Variants in JAKMIP1 observed in about 807,000 individuals in gnomAD.
JAKMIP1 encodes janus kinase and microtubule-interacting protein 1.
In JAKMIP1, 33 loss-of-function variants were observed where a neutral mutation model predicts 113.0. The observed-to-expected ratio is 0.29, with a 90% confidence interval of 0.22 to 0.39. The LOEUF is 0.39. JAKMIP1 is among the 10% of genes least tolerant of loss of function. JAKMIP1 has a pLI of 1.00. For synonymous variants in JAKMIP1, 480 were observed against 459.9 expected, an observed-to-expected ratio of 1.04 and a Z score of -0.56; for missense variants, 813 against 1,080.5, an observed-to-expected ratio of 0.75 and a Z score of 3.47.
chr4:6,086,681 A>G lies in JAKMIP1; in HGVS notation c.625-1052T>C, dbSNP rs577233554. On this transcript the variant is annotated intron_variant, in intron 3 of 20. Transcript: ENST00000409021. The surrounding 1 kb of genome is among the most constrained non-coding windows in gnomAD (Gnocchi z 4.1). ...GTCCTGGTTGAATAGCAGGCCCCCA[A>G]GACCCATGGCCTTCCTGGAACTTCA... 6.6e-6 allele frequency among the ~76,000 whole-genome samples: 1 copy of G among 152,208 alleles called. No individual in the cohort carries two copies. Among genetic ancestry groups the G allele is most frequent in the East Asian group, 1.9e-4 (1 of 5,164 alleles).
intron 16 of JAKMIP1, among the ~76,000 whole-genome samples, chr4:6,048,246 C>T (rs115628772): frequency 4.5e-4 from 68 of 152,276 alleles, no homozygotes; most frequent in Non-Finnish European, 7.6e-4. Flanking sequence ...TATCTGGTGC[C>T]GCTTTTCTGG....
intron 19 of JAKMIP1, among the ~76,000 whole-genome samples, chr4:6,032,728 A>G (rs1286645617): frequency 6.6e-6 from 1 of 152,212 alleles, no homozygotes; most frequent in Non-Finnish European, 1.5e-5. Context: ...GACGGCCAGC[A>G]GGGGCAACTC....
chr4:6,152,928 G>A (rs1470657780), intron 1 of JAKMIP1, among the ~76,000 whole-genome samples: 3 of 151,322 alleles, frequency 2.0e-5, no homozygotes, highest in South Asian at 2.1e-4. Context: ...CCAAGATCAC[G>A]CCATTGCACT....
At chr4:6,164,180 A>G (rs1425258202) in intron 1 of JAKMIP1, among the ~76,000 whole-genome samples, 1 of 152,224 alleles carries the variant, frequency 6.6e-6, no homozygotes, top group Non-Finnish European at 1.5e-5. Context: ...CCTAGCTTCA[A>G]AGCTTCAGAG....
At position 6,076,924 on chromosome 4, in the gene JAKMIP1, C is replaced by T. The variant is rs1719770046; in HGVS notation, c.1302+2015G>A. On this transcript the variant is annotated intron_variant, in intron 8 of 20. Transcript: ENST00000409021. The surrounding 1 kb of genome is among the most constrained non-coding windows in gnomAD (Gnocchi z 4.8). ...TCACATGAGGCCAGGTGTGAAATTTCCCTGGCCTCATGTTGGTGCTGAGAA... is the reference window on the plus strand; with the variant it reads ...TCACATGAGGCCAGGTGTGAAATTTTCCTGGCCTCATGTTGGTGCTGAGAA... 6.6e-6 allele frequency among the ~76,000 whole-genome samples: 1 copy of T among 152,124 alleles called. No homozygotes were observed. Among genetic ancestry groups the T allele is most frequent in the Non-Finnish European group, 1.5e-5 (1 of 68,018 alleles).
chr4:6,110,368 G>T (rs564923806), intron 2 of JAKMIP1, among the ~76,000 whole-genome samples: 1 of 152,146 alleles, frequency 6.6e-6, no homozygotes, highest in Admixed American at 6.5e-5. Context: ...ACCTGGATCT[G>T]TGGCTGCCAG....
chr4:6,049,937 G>A lies in JAKMIP1; in HGVS notation c.1909-65C>T. Reference sequence around the variant, plus strand: ...AGAGACCAACCATACCAATTTCTAGGGCCACGGCCTTTCCTCTGGACAAGA... The same window carrying A: ...AGAGACCAACCATACCAATTTCTAGAGCCACGGCCTTTCCTCTGGACAAGA... On this transcript the variant is annotated intron_variant, in intron 14 of 20. Coordinates refer to ENST00000409021, the MANE Select transcript of JAKMIP1 (RefSeq NM_001099433.2). This position sits in a 1 kb window ranked among gnomAD's most constrained non-coding sequence, Gnocchi z 7.0. 8.6e-7 allele frequency: 1 copy of A among 1,164,852 alleles called. No individual in the cohort carries two copies. The highest frequency in any genetic ancestry group is 1.3e-6 in the Non-Finnish European group (1 of 780,600). 72.2% of individuals were successfully genotyped at this position (1,164,852 alleles called of 1,614,324 possible). A position where few individuals can be genotyped will look rare whatever the true frequency, so the allele number is the denominator to read the frequency against.
rs985956566 is a variant in JAKMIP1 at position 6,155,609 on chromosome 4, C to T, written c.-147-42612G>A. On this transcript the variant is annotated intron_variant, in intron 1 of 20. Transcript: ENST00000409021. This position sits in a 1 kb window ranked among gnomAD's most constrained non-coding sequence, Gnocchi z 6.1. ...CTAAAGAACTCACGGAGGATTTACGCGCATATTCAGCTGCAGGGACATGCA... is the reference window on the plus strand; with the variant it reads ...CTAAAGAACTCACGGAGGATTTACGTGCATATTCAGCTGCAGGGACATGCA... Among the ~76,000 whole-genome samples the T allele has an allele frequency of 5.3e-5, 8 of 152,186 alleles. No individual in the cohort carries two copies. The highest frequency in any genetic ancestry group is 2.1e-4 in the South Asian group (1 of 4,824).
intron 1 of JAKMIP1, among the ~76,000 whole-genome samples, chr4:6,128,601 C>A (rs1718074822): frequency 6.6e-6 from 1 of 152,212 alleles, no homozygotes; most frequent in African/African-American, 2.4e-5. Flanking sequence ...CCTGACAAAG[C>A]CCCAGCCCGG....
At chr4:6,113,228 C>G (rs1157163665) in intron 1 of JAKMIP1, among the ~76,000 whole-genome samples, 1 of 152,196 alleles carries the variant, frequency 6.6e-6, no homozygotes, top group Admixed American at 6.5e-5. Flanking sequence ...TAACATGCTC[C>G]TAGGTGAGGC....
At chr4:6,173,913 T>C (rs1424330989) in intron 1 of JAKMIP1, among the ~76,000 whole-genome samples, 4 of 151,300 alleles carry the variant, frequency 2.6e-5, no homozygotes, top group Non-Finnish European at 4.4e-5. Context: ...TCATCTCTAC[T>C]AAAAATACAA....
intron 17 of JAKMIP1, among the ~76,000 whole-genome samples, chr4:6,041,594 G>A (rs1029052502): frequency 6.6e-6 from 1 of 152,168 alleles, no homozygotes; most frequent in Non-Finnish European, 1.5e-5. Flanking sequence ...ACCACCATTT[G>A]TCAGGTACCC....
Position 6,143,691 on chromosome 4 carries a change from A to T in JAKMIP1, c.-147-30694T>A, listed in dbSNP as rs1054471632. ...GGAGTTAAAATTCTTTGGCCTCAAC[A>T]GTAACCTACTGAACAGAACGTGGGG... On this transcript the variant is annotated intron_variant, in intron 1 of 20. Coordinates refer to ENST00000409021, the MANE Select transcript of JAKMIP1 (RefSeq NM_001099433.2). This position sits in a 1 kb window ranked among gnomAD's most constrained non-coding sequence, Gnocchi z 4.9. Among the ~76,000 whole-genome samples the T allele has an allele frequency of 1.3e-5, 2 of 152,258 alleles. No homozygotes were observed. Among genetic ancestry groups the T allele is most frequent in the Admixed American group, 6.5e-5 (1 of 15,290 alleles).
chr4:6,099,666 T>G (rs2108861997), intron 3 of JAKMIP1, among the ~76,000 whole-genome samples: 1 of 152,378 alleles, frequency 6.6e-6, no homozygotes, highest in Non-Finnish European at 1.5e-5. Context: ...CTTCTCCTGT[T>G]CTTTATTCCC....
At position 6,064,526 on chromosome 4, in the gene JAKMIP1, C is replaced by A. The variant is rs533878701; in HGVS notation, c.1431+354G>T. Among the ~76,000 whole-genome samples the A allele has an allele frequency of 1.3e-5, 2 of 152,238 alleles. No homozygotes were observed. Among genetic ancestry groups the A allele is most frequent in the African/African-American group, 4.8e-5 (2 of 41,536 alleles). The stretch of plus-strand genomic sequence containing the variant: ...CGTGTGTGCACACATGCGTGGGGAC[C>A]AGGGAGAGACCATTACGCAGCAGTT... On this transcript the variant is annotated intron_variant, in intron 9 of 20. Transcript: ENST00000409021. This position sits in a 1 kb window ranked among gnomAD's most constrained non-coding sequence, Gnocchi z 4.3.
rs946123786 is a variant in JAKMIP1, at chr4:6,140,443, C to T, written c.-147-27446G>A. Among the ~76,000 whole-genome samples the T allele has an allele frequency of 2.0e-5, 3 of 152,020 alleles. No individual in the cohort carries two copies. The highest frequency in any genetic ancestry group is 4.4e-5 in the Non-Finnish European group (3 of 68,024). On this transcript the variant is annotated intron_variant, in intron 1 of 20. Coordinates refer to ENST00000409021, the MANE Select transcript of JAKMIP1 (RefSeq NM_001099433.2). The surrounding 1 kb of genome is among the most constrained non-coding windows in gnomAD (Gnocchi z 9.4). ...CACAGACCCACCCCAGGAGTGTGTG[C>T]TCAGGTCCTGCTTCATCAACACTGG...
At chr4:6,131,366 C>CAAAA (rs34129127) in intron 1 of JAKMIP1, among the ~76,000 whole-genome samples, 3 of 85,366 alleles carry the variant, frequency 3.5e-5, no homozygotes, top group Admixed American at 1.2e-4. Context: ...GGATAACTGC[C>CAAAA]AAAAAAAAAA....
Position 6,137,401 on chromosome 4 carries a change from C to T in JAKMIP1, c.-147-24404G>A, listed in dbSNP as rs1036651095. ...CCTTCGCTGGGAGTCAGGAAATTCA[C>T]GGCTCTGGCCCATGGAACCTTAATC... On this transcript the variant is annotated intron_variant, in intron 1 of 20. Coordinates refer to ENST00000409021, the MANE Select transcript of JAKMIP1 (RefSeq NM_001099433.2). This position sits in a 1 kb window ranked among gnomAD's most constrained non-coding sequence, Gnocchi z 4.5. Among the ~76,000 whole-genome samples, 7 of 152,244 alleles carry T rather than the reference C, an allele frequency of 4.6e-5. No homozygotes were observed. The highest frequency in any genetic ancestry group is 1.7e-4 in the African/African-American group (7 of 41,468).
chr4:6,065,058 G>C lies in JAKMIP1; in HGVS notation c.1303-50C>G, dbSNP rs773597223. On this transcript the variant is annotated intron_variant, in intron 8 of 20. Coordinates refer to ENST00000409021, the MANE Select transcript of JAKMIP1 (RefSeq NM_001099433.2). The surrounding 1 kb of genome is among the most constrained non-coding windows in gnomAD (Gnocchi z 5.1). ...TTAGCAACGACTGAGGATTGCCAGAGTCTACCAGTCCCTGGTCGTGGGCAT... is the reference window on the plus strand; with the variant it reads ...TTAGCAACGACTGAGGATTGCCAGACTCTACCAGTCCCTGGTCGTGGGCAT... The C allele has an allele frequency of 3.1e-6, 5 of 1,610,916 alleles. No individual in the cohort carries two copies. In the Admixed American group the frequency reaches 8.3e-5, roughly 27 times the overall value.
Sources: allele counts gnomAD v4.1 joint callset (sites outside exome capture counted in the v4.1 genomes callset), GRCh38; gene constraint gnomAD v4.1.1; non-coding constraint Gnocchi (gnomAD v3.1); transcripts MANE v1.5; gene names NCBI Gene and HGNC (gene_info 2026-07-23, HGNC 2026-07-21).